RGS6: variants seen among roughly 807,000 people sequenced by gnomAD.
The protein encoded by RGS6 is regulator of G protein signaling 6.
Under a neutral mutation model 78.5 loss-of-function variants are expected in RGS6, and 30 were observed. The ratio of observed to expected loss-of-function variants is 0.38; its 90% confidence interval spans 0.29 to 0.52. RGS6 has a LOEUF of 0.52. Among genes scored for constraint, RGS6 ranks in the 20% least tolerant of loss-of-function variants. The pLI is 0.85. For missense variants in RGS6, 495 were observed against 609.7 expected, an observed-to-expected ratio of 0.81 and a Z score of 1.98; for synonymous variants, 206 against 206.0, an observed-to-expected ratio of 1.00 and a Z score of 0.00.
intron 2 of RGS6, among the ~76,000 whole-genome samples, chr14:72,000,206 C>A (rs192688187): frequency 1.3e-5 from 2 of 152,146 alleles, no homozygotes; most frequent in Non-Finnish European, 2.9e-5. Flanking sequence ...AGCAAGAATT[C>A]GCTCAGGCGG....
chr14:72,215,910 A>C (rs1342883938), intron 2 of RGS6, among the ~76,000 whole-genome samples: 1 of 152,234 alleles, frequency 6.6e-6, no homozygotes, highest in Non-Finnish European at 1.5e-5. Flanking sequence ...GTTACTATTT[A>C]TTCCTAATTA....
intron 2 of RGS6, among the ~76,000 whole-genome samples, chr14:72,043,639 C>G (rs2092611954): frequency 6.6e-6 from 1 of 152,126 alleles, no homozygotes; most frequent in Non-Finnish European, 1.5e-5. Context: ...CTCCTTTTGG[C>G]TTCTTTCAAA....
chr14:72,099,753 G>C (rs1027551196), intron 2 of RGS6, among the ~76,000 whole-genome samples: 2 of 152,146 alleles, frequency 1.3e-5, no homozygotes, highest in Non-Finnish European at 2.9e-5. Context: ...GGGATTATTT[G>C]TCTTTAGACT....
At chr14:72,581,329 T>C in the RGS6 span, among the ~76,000 whole-genome samples, 1 of 152,178 alleles carries the variant, frequency 6.6e-6, no homozygotes, top group South Asian at 2.1e-4. Flanking sequence ...TCTGCCTCCA[T>C]ATCCAATCAT....
chr14:72,244,589 C>A (rs1212148863), intron 2 of RGS6, among the ~76,000 whole-genome samples: 3 of 152,126 alleles, frequency 2.0e-5, no homozygotes, highest in Non-Finnish European at 2.9e-5. Context: ...TCCCTCGTGC[C>A]AGGAGCCACT....
chr14:72,329,665 G>A lies in RGS6; in HGVS notation c.85-22430G>A, dbSNP rs765990517. The stretch of plus-strand genomic sequence containing the variant: ...GGGCCTGGTAAAGGTTCATTTAAGC[G>A]TCAAGATCAAGTTGGCTAAACCCAT... On this transcript the variant is annotated intron_variant, in intron 2 of 17. Transcript: ENST00000553525. Among the ~76,000 whole-genome samples the A allele has an allele frequency of 1.4e-4, 22 of 152,216 alleles. 1 individual carries two copies. The highest frequency in any genetic ancestry group is 6.3e-3 in the Middle Eastern group (2 of 316).
chr14:71,909,627 A>G, the RGS6 span, among the ~76,000 whole-genome samples: 1 of 149,844 alleles, frequency 6.7e-6, no homozygotes, highest in Non-Finnish European at 1.5e-5. Flanking sequence ...AGAGGGGGGA[A>G]AGAGAGAGAG....
At chr14:72,111,381 T>C (rs1280743529) in intron 2 of RGS6, among the ~76,000 whole-genome samples, 1 of 152,108 alleles carries the variant, frequency 6.6e-6, no homozygotes, top group South Asian at 2.1e-4. Context: ...CCATTCCATG[T>C]GGAAGGGAAG....
intron 3 of RGS6, among the ~76,000 whole-genome samples, chr14:72,372,151 TACTG>T (rs2083634891): frequency 6.6e-6 from 1 of 152,222 alleles, no homozygotes; most frequent in African/African-American, 2.4e-5. Flanking sequence ...AAAACGTTGT[TACTG>T]ACATGTTAAT....
chr14:72,400,056 C>T (rs967479596), intron 3 of RGS6, among the ~76,000 whole-genome samples: 5 of 152,126 alleles, frequency 3.3e-5, no homozygotes, highest in African/African-American at 1.2e-4. Flanking sequence ...AGATACTCCT[C>T]AAGAAGAGCA....
At chr14:72,029,966 A>G (rs1223350595) in intron 2 of RGS6, among the ~76,000 whole-genome samples, 1 of 152,216 alleles carries the variant, frequency 6.6e-6, no homozygotes, top group Non-Finnish European at 1.5e-5. Context: ...TGAGCAAAAT[A>G]TGCAATCTTT....
At chr14:72,008,270 C>A (rs1430135405) in intron 2 of RGS6, among the ~76,000 whole-genome samples, 1 of 152,116 alleles carries the variant, frequency 6.6e-6, no homozygotes, top group Non-Finnish European at 1.5e-5. Flanking sequence ...TTGCACATGC[C>A]TCTATATCAA....
At chr14:71,878,893 C>G in the RGS6 span, among the ~76,000 whole-genome samples, 2 of 152,162 alleles carry the variant, frequency 1.3e-5, no homozygotes, top group South Asian at 4.1e-4. Flanking sequence ...AGCTCCCTTT[C>G]TTTAGGGGTG....
intron 1 of RGS6, among the ~76,000 whole-genome samples, chr14:71,945,117 A>G (rs1204185610): frequency 6.6e-6 from 1 of 152,174 alleles, no homozygotes; most frequent in East Asian, 1.9e-4. Flanking sequence ...GGGCTAATAT[A>G]AACTCCTTAT....
At chr14:72,129,090 T>G (rs1197823170) in intron 2 of RGS6, among the ~76,000 whole-genome samples, 1 of 152,204 alleles carries the variant, frequency 6.6e-6, no homozygotes, top group Non-Finnish European at 1.5e-5. Context: ...TTGGGCTTTC[T>G]TTTAGAGTTG....
intron 3 of RGS6, among the ~76,000 whole-genome samples, chr14:72,365,698 G>A (rs1596318179): frequency 6.6e-6 from 1 of 152,096 alleles, no homozygotes; most frequent in African/African-American, 2.4e-5. Flanking sequence ...GCTTTCATAT[G>A]TGTGATCTAA....
intron 2 of RGS6, among the ~76,000 whole-genome samples, chr14:71,983,387 AC>A (rs1391789977): frequency 6.6e-6 from 1 of 152,254 alleles, no homozygotes; most frequent in Non-Finnish European, 1.5e-5. Context: ...TCAGTATGAC[AC>A]TTTTGAACAT....
At chr14:71,916,018 A>C in the RGS6 span, among the ~76,000 whole-genome samples, 1 of 152,156 alleles carries the variant, frequency 6.6e-6, no homozygotes. Context: ...TTGGACCTCC[A>C]CCCTCCAGAA....
chr14:72,627,637 T>C, the RGS6 span, among the ~76,000 whole-genome samples: 1 of 152,098 alleles, frequency 6.6e-6, no homozygotes, highest in Non-Finnish European at 1.5e-5. Context: ...TTTTTGCATG[T>C]TTGTTTCTTC....
Sources: gnomAD v4.1 joint callset for allele counts (sites outside exome capture counted in the v4.1 genomes callset) on GRCh38, gnomAD v4.1.1 for gene constraint, MANE v1.5 for transcripts, NCBI Gene and HGNC (gene_info 2026-07-23, HGNC 2026-07-21) for gene names.